RPRD1B: variants seen among roughly 807,000 people sequenced by gnomAD.
RPRD1B encodes the protein regulation of nuclear pre-mRNA domain-containing protein 1B.
RPRD1B carries 11 observed loss-of-function variants against 41.5 expected under a neutral mutation model. That is an observed-to-expected ratio of 0.27 (90% CI 0.17 to 0.44). RPRD1B has a LOEUF of 0.44. Ranked by LOEUF, RPRD1B falls within the 20% of genes least tolerant of loss-of-function variation. RPRD1B has a pLI of 1.00. For synonymous variants in RPRD1B, 158 were observed against 155.6 expected (o/e 1.02, Z -0.12); for missense variants, 248 against 389.9 (o/e 0.64, Z 3.06).
At chr20:38,066,401 A>G (rs2122737643) in intron 6 of RPRD1B, 145 bp downstream of exon 6, 1 of 800,184 alleles carries the variant, frequency 1.2e-6, no homozygotes, top group African/African-American at 1.7e-5. Flanking sequence ...CAGATACTGT[A>G]ATTATTTGAG....
intron 6 of RPRD1B, among the ~76,000 whole-genome samples, chr20:38,072,332 T>C (rs1285529927): frequency 6.6e-6 from 1 of 152,202 alleles, no homozygotes; most frequent in Non-Finnish European, 1.5e-5. Context: ...TGGCCACAGA[T>C]GTATTGGTTT....
At chr20:38,042,037 A>G (rs2074071611) in intron 2 of RPRD1B, among the ~76,000 whole-genome samples, 1 of 152,284 alleles carries the variant, frequency 6.6e-6, no homozygotes. Context: ...CGTTCAGTAA[A>G]TATTTGTTAA....
rs550860204 is a variant in RPRD1B at position 38,085,927 on chromosome 20, C to T, written c.832-3799C>T. On this transcript the variant is annotated intron_variant, in intron 6 of 6. Coordinates refer to ENST00000373433, the MANE Select transcript of RPRD1B (RefSeq NM_021215.4). Reference sequence around the variant, plus strand: ...TGATCTTGGCTCACTGCAGTCTCCACCTCCTGGGCTCAAGCAATCTTCCCA... The same window carrying T: ...TGATCTTGGCTCACTGCAGTCTCCATCTCCTGGGCTCAAGCAATCTTCCCA... Among the ~76,000 whole-genome samples the T allele has an allele frequency of 1.5e-4, 23 of 151,468 alleles. No individual in the cohort carries two copies. In the South Asian group the frequency reaches 2.1e-3, roughly 14 times the overall value.
At position 38,090,270 on chromosome 20, in the gene RPRD1B, G is replaced by A. The variant is rs2122780458; in HGVS notation, c.*395G>A. On this transcript the variant is annotated 3_prime_UTR_variant, in exon 7 of 7. Transcript: ENST00000373433. Reference sequence around the variant, plus strand: ...TCATGAAAGCAGCTTCTCCTTTCTGGGCTGGGCTTGTTCAAGTTCGGTGTG... The same window carrying A: ...TCATGAAAGCAGCTTCTCCTTTCTGAGCTGGGCTTGTTCAAGTTCGGTGTG... The A allele has an allele frequency of 1.0e-6, 1 of 989,700 alleles. No homozygotes were observed. Among genetic ancestry groups the A allele is most frequent in the Middle Eastern group, 5.2e-4 (1 of 1,918 alleles). The allele number at this position is 989,700 out of a possible 1,614,324, so 61.3% of individuals were successfully genotyped here. A position where few individuals can be genotyped will look rare whatever the true frequency, so the allele number is the denominator to read the frequency against.
chr20:38,053,121 A>G (rs1188767717), intron 3 of RPRD1B, among the ~76,000 whole-genome samples: 4 of 152,142 alleles, frequency 2.6e-5, no homozygotes, highest in Non-Finnish European at 4.4e-5. Flanking sequence ...TGAGTGAGTG[A>G]AAAAGGGAGA....
At position 38,039,407 on chromosome 20, in the gene RPRD1B, C is replaced by CT. The variant is rs1165738530; in HGVS notation, c.152-1014dup. 5.2e-3 allele frequency among the ~76,000 whole-genome samples: 730 copies of CT among 141,634 alleles called. 4 individuals carry two copies. Among genetic ancestry groups the CT allele is most frequent in the African/African-American group, 0.012 (447 of 38,348 alleles). 92.9% of individuals were successfully genotyped at this position (141,634 alleles called of 152,430 possible). On this transcript the variant is annotated intron_variant, in intron 1 of 6. Coordinates refer to ENST00000373433, the MANE Select transcript of RPRD1B (RefSeq NM_021215.4). The stretch of plus-strand genomic sequence containing the variant: ...GTTTAGGAGCAAAATTACAAGAAAC[C>CT]TTTTTTTTTTTTTTGAGACGGAGTT...
chr20:38,080,323 T>C (rs1365338622), intron 6 of RPRD1B, among the ~76,000 whole-genome samples: 1 of 152,250 alleles, frequency 6.6e-6, no homozygotes, highest in East Asian at 1.9e-4. Flanking sequence ...CTAGGGTCTT[T>C]GTAGTTGGAG....
At chr20:38,053,448 G>A (rs2074208978) in intron 3 of RPRD1B, among the ~76,000 whole-genome samples, 2 of 152,094 alleles carry the variant, frequency 1.3e-5, no homozygotes. Context: ...CCTTTCCTAG[G>A]TACTGCAGGG....
chr20:38,061,955 T>C (rs1294175727), intron 5 of RPRD1B, among the ~76,000 whole-genome samples: 3 of 152,104 alleles, frequency 2.0e-5, no homozygotes, highest in Admixed American at 1.3e-4. Context: ...TGATTAAATA[T>C]CTTGAGATGA....
chr20:38,062,827 A>AC (rs2074312077), intron 5 of RPRD1B, among the ~76,000 whole-genome samples: 1 of 42,500 alleles, frequency 2.4e-5, no homozygotes, highest in Non-Finnish European at 4.2e-5. Context: ...TAAAAGCCAG[A>AC]GCCCCCCCCC....
chr20:38,067,317 T>G (rs1330605897), intron 6 of RPRD1B, among the ~76,000 whole-genome samples: 4 of 152,130 alleles, frequency 2.6e-5, no homozygotes, highest in African/African-American at 9.7e-5. Context: ...TTTTAAGAGA[T>G]ATGGAAAAGA....
intron 6 of RPRD1B, among the ~76,000 whole-genome samples, chr20:38,071,675 G>T (rs1024097490): frequency 3.9e-5 from 6 of 152,170 alleles, no homozygotes; most frequent in Non-Finnish European, 8.8e-5. Context: ...GTGGGTTCCA[G>T]TTTCTCCACA....
chr20:38,044,013 C>T (rs2122699105), intron 2 of RPRD1B, among the ~76,000 whole-genome samples: 1 of 152,216 alleles, frequency 6.6e-6, no homozygotes, highest in South Asian at 2.1e-4. Flanking sequence ...TTGTTGTGGG[C>T]CCCAAGACCA....
At chr20:38,086,478 T>TTC (rs2074562034) in intron 6 of RPRD1B, among the ~76,000 whole-genome samples, 1 of 152,212 alleles carries the variant, frequency 6.6e-6, no homozygotes, top group Non-Finnish European at 1.5e-5. Context: ...TACAGATCTT[T>TTC]TCTTTTTACC....
intron 2 of RPRD1B, among the ~76,000 whole-genome samples, chr20:38,043,067 C>T (rs1295092944): frequency 1.3e-5 from 2 of 152,002 alleles, no homozygotes; most frequent in African/African-American, 2.4e-5. Flanking sequence ...GATCCAGACA[C>T]GGGGGGAGCA....
At position 38,076,906 on chromosome 20, in the gene RPRD1B, C is replaced by CTTTTTTTTTTTTTTTTT. The variant is rs573460686; in HGVS notation, c.831+10664_831+10680dup. 8.5e-4 allele frequency among the ~76,000 whole-genome samples: 54 copies of CTTTTTTTTTTTTTTTTT among 63,522 alleles called. 9 individuals carry two copies. The highest frequency in any genetic ancestry group is 1.2e-3 in the East Asian group (2 of 1,692). 41.7% of individuals were successfully genotyped at this position (63,522 alleles called of 152,430 possible). ...CCTTTAGCCTTTTCTCATTCTGGACCTTTTTTTTTTTTTTTTTTTTTTTTT... is the reference window on the plus strand; with the variant it reads ...CCTTTAGCCTTTTCTCATTCTGGACCTTTTTTTTTTTTTTTTTTTTTTTTTTTTTTTTTTTTTTTTTT... On this transcript the variant is annotated intron_variant, in intron 6 of 6. Coordinates refer to ENST00000373433, the MANE Select transcript of RPRD1B (RefSeq NM_021215.4).
chr20:38,052,747 G>A lies in RPRD1B; in HGVS notation c.415+4266G>A, dbSNP rs75276626. Reference sequence around the variant, plus strand: ...AAACACTGCTGCACTCGGACCAAACGCGGTGTTTTTTTTTTTTTTTTTTTT... The same window carrying A: ...AAACACTGCTGCACTCGGACCAAACACGGTGTTTTTTTTTTTTTTTTTTTT... On this transcript the variant is annotated intron_variant, in intron 3 of 6. Transcript: ENST00000373433. 9.5e-3 allele frequency among the ~76,000 whole-genome samples: 1,248 copies of A among 131,914 alleles called. 14 individuals are homozygous for A. The highest frequency in any genetic ancestry group is 0.034 in the African/African-American group (1,136 of 33,700). 86.5% of individuals were successfully genotyped at this position (131,914 alleles called of 152,430 possible).
rs555447377 is a variant in RPRD1B at position 38,068,271 on chromosome 20, C to T, written c.831+2015C>T. Among the ~76,000 whole-genome samples the T allele has an allele frequency of 5.3e-5, 8 of 152,344 alleles. 1 individual carries two copies. The highest frequency in any genetic ancestry group is 4.1e-4 in the South Asian group (2 of 4,830). ...AGAAAGGCCCCACCACTGGAACCAA[C>T]GTACAGAGTCTGAACTGAAGGTTCT... On this transcript the variant is annotated intron_variant, in intron 6 of 6. Coordinates refer to ENST00000373433, the MANE Select transcript of RPRD1B (RefSeq NM_021215.4).
chr20:38,088,746 A>G (rs1828960939), intron 6 of RPRD1B, among the ~76,000 whole-genome samples: 2 of 152,240 alleles, frequency 1.3e-5, no homozygotes, highest in South Asian at 2.1e-4. Flanking sequence ...TCTCACATGT[A>G]TGGAGAGAGC....
Sources: gnomAD v4.1 joint callset for allele counts (sites outside exome capture counted in the v4.1 genomes callset) on GRCh38, gnomAD v4.1.1 for gene constraint, MANE v1.5 for transcripts, NCBI Gene and HGNC (gene_info 2026-07-23, HGNC 2026-07-21) for gene names.